The following TULP4 variants were observed in gnomAD, a reference collection of about 807,000 sequenced individuals.
TULP4 encodes TUB like protein 4, also known as tubby-related protein 4.
TULP4 carries 16 observed loss-of-function variants against 129.0 expected under a neutral mutation model. That is an observed-to-expected ratio of 0.12 (90% CI 0.08 to 0.19). TULP4 has a LOEUF of 0.19. Among genes scored for constraint, TULP4 ranks in the 10% least tolerant of loss-of-function variants. TULP4 has a pLI of 1.00. For synonymous variants in TULP4, 998 were observed against 854.0 expected, an observed-to-expected ratio of 1.17 and a Z score of -2.94; for missense variants, 1,842 against 2,059.1, an observed-to-expected ratio of 0.89 and a Z score of 2.04.
At chr6:158,321,118 AAC>A (rs1779618700) in intron 1 of TULP4, among the ~76,000 whole-genome samples, 3 of 151,950 alleles carry the variant, frequency 2.0e-5, no homozygotes, top group African/African-American at 4.8e-5. Context: ...TACTGAAATG[AAC>A]TCCTCAATGA....
chr6:158,277,250 C>A (rs141639395), intron 1 of TULP4, among the ~76,000 whole-genome samples: 2 of 152,148 alleles, frequency 1.3e-5, no homozygotes, highest in African/African-American at 4.8e-5. Flanking sequence ...CCTACAGCAT[C>A]TATTTATGCT....
At chr6:158,437,699 T>G (rs1778783108) in intron 3 of TULP4, 1 of 152,226 alleles carries the variant, frequency 6.6e-6, no homozygotes, top group African/African-American at 2.4e-5. Context: ...AAAGAATAAT[T>G]CATTCACTTT....
intron 1 of TULP4, among the ~76,000 whole-genome samples, chr6:158,266,151 T>G (rs1778441258): frequency 2.0e-5 from 3 of 152,244 alleles, no homozygotes; most frequent in Non-Finnish European, 4.4e-5. Flanking sequence ...AAGCAACATT[T>G]TAAACACTGT....
Position 158,502,120 on chromosome 6 carries a change from C to A in TULP4, c.2457C>A (p.Val819=), listed in dbSNP as rs146991331. 8.7e-6 allele frequency: 14 copies of A among 1,608,038 alleles called. No individual in the cohort carries two copies. Among genetic ancestry groups the A allele is most frequent in the Non-Finnish European group, 1.2e-5 (14 of 1,177,094 alleles). Residue 819 remains valine, a synonymous_variant, in exon 13 of 14, where the codon GTC becomes GTA. Transcript: ENST00000367097. Reference sequence around the variant, plus strand: ...TGGCAGCTGAGGGGGACGCAGTGGTCTTTAGTGCCCCCCAGGAGGTCCAGG... The same window carrying A: ...TGGCAGCTGAGGGGGACGCAGTGGTATTTAGTGCCCCCCAGGAGGTCCAGG... ...PQLAAEGDAV[V]FSAPQEVQVT... is the part of the protein sequence containing the mutation.
intron 1 of TULP4, chr6:158,242,570 T>C: frequency 1.4e-6 from 1 of 734,960 alleles, no homozygotes; most frequent in South Asian, 1.5e-5. Flanking sequence ...ACTCGCAATA[T>C]GCCTTTTCAA....
upstream of TULP4, among the ~76,000 whole-genome samples, chr6:158,307,733 G>A (rs1023102329): frequency 2.6e-5 from 4 of 152,048 alleles, no homozygotes; most frequent in Non-Finnish European, 5.9e-5. Context: ...CCCCCGCCTT[G>A]GCCTCCCAAA....
intron 12 of TULP4, among the ~76,000 whole-genome samples, chr6:158,501,088 T>A (rs1373845498): frequency 6.6e-6 from 1 of 151,984 alleles, no homozygotes; most frequent in Non-Finnish European, 1.5e-5. Context: ...AAAAAAAAAA[T>A]TAGGAAATGA....
In TULP4 at chr6:158,503,619, T is replaced by A; in HGVS notation, c.3956T>A (p.Leu1319His). Residue 1319 changes from leucine to histidine, a missense_variant, in exon 13 of 14, where the codon CTC (leucine) becomes CAC (histidine). Around this residue, in one of 5 missense-constraint regions of TULP4, gnomAD observed 1,089 missense variants for 987.1 expected, o/e 1.10. Transcript: ENST00000367097. This position sits in a 1 kb window ranked among gnomAD's most constrained non-coding sequence, Gnocchi z 4.3. ...ACTGCAGACAACTTCCAGGAAGTCCTCTCCCTGACCGAAAGCCCAGTCCCC... is the reference window on the plus strand; with the variant it reads ...ACTGCAGACAACTTCCAGGAAGTCCACTCCCTGACCGAAAGCCCAGTCCCC... The part of the protein sequence containing the change: ...VETADNFQEV[L>H]SLTESPVPQR... The A allele has an allele frequency of 6.2e-7, 1 of 1,613,856 alleles. No homozygotes were observed. Among genetic ancestry groups the A allele is most frequent in the Non-Finnish European group, 8.5e-7 (1 of 1,179,998 alleles).
chr6:158,438,937 C>T (rs906104691), intron 3 of TULP4, among the ~76,000 whole-genome samples: 11 of 151,970 alleles, frequency 7.2e-5, no homozygotes, highest in Admixed American at 6.5e-4. Flanking sequence ...TTTGGGAGGC[C>T]GAGGCGGGGG....
At chr6:158,254,311 T>C (rs1325737884) in intron 1 of TULP4, among the ~76,000 whole-genome samples, 1 of 145,572 alleles carries the variant, frequency 6.9e-6, no homozygotes, top group African/African-American at 2.4e-5. Context: ...CCTGGCTAAT[T>C]TTTGTATTTT....
rs111660178 is a variant in TULP4 at position 158,242,258 on chromosome 6, C to T, written n.68+9955C>T. On this transcript the variant is annotated intron_variant and non_coding_transcript_variant, in intron 1 of 1. Coordinates refer to the TULP4 transcript ENST00000620026. ...ATGTTCATGGCCTGGTTCAGCTGGC[C>T]GTGGTCTATCAGTGCACATGCAGTG... The T allele has an allele frequency of 2.9e-3, 4,517 of 1,554,440 alleles. 121 individuals are homozygous for T. The African/African-American group carries it at 0.054, about 19-fold the overall frequency.
At position 158,321,499 on chromosome 6, in the gene TULP4, G is replaced by A. The variant is rs144201938; in HGVS notation, c.252+7231G>A. Among the ~76,000 whole-genome samples, 31 of 152,180 alleles carry A rather than the reference G, an allele frequency of 2.0e-4. 1 individual carries two copies. In the South Asian group the frequency reaches 5.8e-3, roughly 29 times the overall value. On this transcript the variant is annotated intron_variant, in intron 1 of 13. Transcript: ENST00000367097. ...CAAAAGTGGACACCAGTCAGGCCTC[G>A]CAGACTATCGGTCACCCAGACAGAA...
intron 1 of TULP4, among the ~76,000 whole-genome samples, chr6:158,236,143 C>A (rs1777694283): frequency 6.6e-6 from 1 of 152,122 alleles, no homozygotes; most frequent in Non-Finnish European, 1.5e-5. Flanking sequence ...TTCAATAAAT[C>A]TTAAAGGGAA....
chr6:158,388,361 A>G (rs827974), intron 1 of TULP4, among the ~76,000 whole-genome samples: 97,801 of 132,168 alleles, frequency 0.74, 36,109 homozygotes, highest in Middle Eastern at 0.79. Context: ...ACGGAGTCTC[A>G]CTCTGTCGCC....
upstream of TULP4, among the ~76,000 whole-genome samples, chr6:158,310,902 T>G (rs1169081570): frequency 6.6e-6 from 1 of 152,184 alleles, no homozygotes; most frequent in Non-Finnish European, 1.5e-5. Context: ...GGGCTGATAT[T>G]TAATAAAATT....
In TULP4 at chr6:158,270,585, G is replaced by C. The variant is rs559322177; in HGVS notation, n.68+38282G>C. 7.9e-5 allele frequency among the ~76,000 whole-genome samples: 12 copies of C among 152,256 alleles called. No homozygotes were observed. The South Asian group carries it at 2.1e-3, about 26-fold the overall frequency. On this transcript the variant is annotated intron_variant and non_coding_transcript_variant, in intron 1 of 1. Transcript: ENST00000620026. ...GATGGGCACTCAGTTAGCGTCTCTG[G>C]CCTGAGTGTTGCTTGGCTGCTTTCC... is the stretch of plus-strand genomic sequence containing the variant.
At chr6:158,482,451 G>A (rs937023084) in intron 8 of TULP4, among the ~76,000 whole-genome samples, 1 of 152,208 alleles carries the variant, frequency 6.6e-6, no homozygotes, top group Non-Finnish European at 1.5e-5. Context: ...CTCGTGACAA[G>A]CTAGTACCAG....
At chr6:158,311,175 G>A (rs1034303303), upstream of TULP4, among the ~76,000 whole-genome samples, 17 of 152,274 alleles carry the variant, frequency 1.1e-4, no homozygotes, top group Admixed American at 9.8e-4. Context: ...CTCAAAGCCT[G>A]GTTCCCTGCC....
intron 1 of TULP4, among the ~76,000 whole-genome samples, chr6:158,299,394 T>G (rs1199143016): frequency 1.3e-5 from 2 of 152,182 alleles, no homozygotes; most frequent in Admixed American, 1.3e-4. Context: ...ATTAAAGTTT[T>G]AGATGGGCCC....
Sources: allele counts gnomAD v4.1 joint callset (sites outside exome capture counted in the v4.1 genomes callset), GRCh38; gene constraint gnomAD v4.1.1; regional missense constraint gnomAD v4.1.1; non-coding constraint Gnocchi (gnomAD v3.1); transcripts MANE v1.5; gene names NCBI Gene and HGNC (gene_info 2026-07-23, HGNC 2026-07-21).